The following PCDHA1 variants were observed in gnomAD, a reference collection of about 807,000 sequenced individuals.
The protein encoded by PCDHA1 is protocadherin alpha-1.
Under a neutral mutation model 61.3 loss-of-function variants are expected in PCDHA1, and 42 were observed. The ratio of observed to expected loss-of-function variants is 0.69; its 90% CI spans 0.54 to 0.89. The LOEUF is 0.89. Among genes scored for constraint, PCDHA1 ranks in the 40% least tolerant of loss-of-function variants. PCDHA1 has a pLI of 0.00. For synonymous variants in PCDHA1, 610 were observed against 553.8 expected (o/e 1.10, Z -1.43); for missense variants, 1,256 against 1,235.3 (o/e 1.02, Z -0.25).
At chr5:140,877,935 C>A (rs1184618592) in intron 1 of PCDHA1, 28 of 1,388,566 alleles carry the variant, frequency 2.0e-5, no homozygotes, top group Admixed American at 3.0e-5. Context: ...TGATTCTATC[C>A]TTTAAACTAT....
At chr5:140,970,758 A>T (rs1217450283) in intron 1 of PCDHA1, among the ~76,000 whole-genome samples, 2 of 152,232 alleles carry the variant, frequency 1.3e-5, no homozygotes, top group East Asian at 3.8e-4. Flanking sequence ...ATTTTCATTG[A>T]CATATTGCTG....
chr5:140,787,910 G>A lies in PCDHA1; in HGVS notation c.1620G>A (p.Ala540=). The A allele has an allele frequency of 6.2e-7, 1 of 1,613,678 alleles. No homozygotes were observed. Among genetic ancestry groups the A allele is most frequent in the Non-Finnish European group, 8.5e-7 (1 of 1,179,906 alleles). The part of the protein sequence containing the change: ...LLQFQVSARD[A]GVPPLGSNVT... The stretch of plus-strand genomic sequence containing the variant: ...AGTTCCAGGTGAGCGCGCGGGATGC[G>A]GGCGTGCCGCCTCTGGGCAGCAACG... Residue 540 remains alanine, a synonymous_variant, in exon 1 of 4, where the codon GCG becomes GCA. Transcript: ENST00000504120.
At chr5:140,854,069 A>G (rs1432539790) in intron 1 of PCDHA1, 1 of 273,288 alleles carries the variant, frequency 3.7e-6, no homozygotes, top group Non-Finnish European at 5.6e-6. Context: ...GGCTGAGGCG[A>G]GAGAATCGCT....
At chr5:140,807,734 C>A (rs1764019669) in intron 1 of PCDHA1, 1 of 1,614,190 alleles carries the variant, frequency 6.2e-7, no homozygotes, top group South Asian at 1.1e-5. Context: ...TCTGGAAAAA[C>A]CACCTGATGA....
chr5:141,009,407 G>T (rs990895210), intron 3 of PCDHA1, among the ~76,000 whole-genome samples: 2 of 152,184 alleles, frequency 1.3e-5, no homozygotes, highest in Admixed American at 6.5e-5. Flanking sequence ...TGCAGTGACT[G>T]CATTTCAGCC....
chr5:140,899,402 G>A lies in PCDHA1; in HGVS notation c.2395-79547G>A, dbSNP rs1465071147. On this transcript the variant is annotated intron_variant, in intron 1 of 3. Transcript: ENST00000504120. ...TTTATTGAGAGTTTTTAGCATGAAG[G>A]GTTGTTGAATTTTGTCAAAGGTCTT... Among the ~76,000 whole-genome samples, 5 of 152,122 alleles carry A rather than the reference G, an allele frequency of 3.3e-5. No individual in the cohort carries two copies. The East Asian group carries it at 7.7e-4, about 24-fold the overall frequency.
chr5:140,829,465 C>T, intron 1 of PCDHA1: 1 of 1,613,822 alleles, frequency 6.2e-7, no homozygotes, highest in Non-Finnish European at 8.5e-7. Flanking sequence ...TCGCGCAGCC[C>T]GAGTACACAG....
chr5:140,828,662 C>A (rs1769875553), intron 1 of PCDHA1: 1 of 1,614,006 alleles, frequency 6.2e-7, no homozygotes, highest in African/African-American at 1.3e-5. Context: ...TGACAATAAA[C>A]AAATTGGGCT....
chr5:141,007,348 C>T (rs1300636691), intron 3 of PCDHA1, among the ~76,000 whole-genome samples: 3 of 142,438 alleles, frequency 2.1e-5, no homozygotes, highest in African/African-American at 5.3e-5. Context: ...CTCAGGAGTT[C>T]GAGACCAGCC....
chr5:140,839,928 G>A (rs1237791336), intron 1 of PCDHA1, among the ~76,000 whole-genome samples: 1 of 152,036 alleles, frequency 6.6e-6, no homozygotes, highest in Non-Finnish European at 1.5e-5. Context: ...CTTGAACAAA[G>A]AGTGTGCCAA....
At chr5:140,871,113 G>A (rs782238733) in intron 1 of PCDHA1, 24 of 1,613,188 alleles carry the variant, frequency 1.5e-5, no homozygotes, top group South Asian at 7.7e-5. Flanking sequence ...CGTTGGTGGA[G>A]AGCGGACAGG....
At chr5:140,987,431 C>G (rs187493051) in intron 3 of PCDHA1, among the ~76,000 whole-genome samples, 1 of 152,232 alleles carries the variant, frequency 6.6e-6, no homozygotes, top group East Asian at 1.9e-4. Context: ...AGCAGGGGGC[C>G]TTTCCCCATG....
chr5:140,837,077 T>G (rs1350684380), intron 1 of PCDHA1: 3 of 173,170 alleles, frequency 1.7e-5, no homozygotes, highest in Non-Finnish European at 3.7e-5. Context: ...AATCAATACC[T>G]ATAAATGTTA....
intron 1 of PCDHA1, chr5:140,870,613 T>C (rs1562647895): frequency 1.2e-6 from 2 of 1,613,078 alleles, no homozygotes; most frequent in Non-Finnish European, 1.7e-6. Flanking sequence ...CCGCGCGCTG[T>C]CGAGCTACGT....
intron 1 of PCDHA1, chr5:140,829,297 G>C: frequency 1.9e-6 from 3 of 1,614,238 alleles, no homozygotes; most frequent in Non-Finnish European, 8.5e-7. Context: ...CCACCTTCAA[G>C]AATTACTACT....
intron 1 of PCDHA1, among the ~76,000 whole-genome samples, chr5:140,790,837 T>C (rs1761602307): frequency 6.6e-6 from 1 of 152,230 alleles, no homozygotes; most frequent in African/African-American, 2.4e-5. Context: ...AGTGAATTAC[T>C]ATTAAACCAA....
intron 1 of PCDHA1, chr5:140,841,596 G>A (rs782464159): frequency 6.2e-7 from 1 of 1,614,094 alleles, no homozygotes; most frequent in Non-Finnish European, 8.5e-7. Flanking sequence ...CGGATCGACC[G>A]CGAGGAGCTG....
intron 1 of PCDHA1, chr5:140,823,440 G>C: frequency 6.2e-7 from 1 of 1,613,368 alleles, no homozygotes. Flanking sequence ...TGTTCGTGCT[G>C]GACGAGAACG....
At chr5:140,937,228 G>A (rs920892612) in intron 1 of PCDHA1, among the ~76,000 whole-genome samples, 1 of 151,718 alleles carries the variant, frequency 6.6e-6, no homozygotes, top group Admixed American at 6.6e-5. Context: ...TTGTAGAGAC[G>A]GGGTTTCACC....
Sources: gnomAD v4.1 joint callset for allele counts (sites outside exome capture counted in the v4.1 genomes callset) on GRCh38, gnomAD v4.1.1 for gene constraint, MANE v1.5 for transcripts, NCBI Gene and HGNC (gene_info 2026-07-23, HGNC 2026-07-21) for gene names.